The following GRM7 variants were observed in gnomAD, a reference collection of about 807,000 sequenced individuals.
GRM7 encodes glutamate metabotropic receptor 7.
GRM7 carries 35 observed loss-of-function variants against 84.5 expected under a neutral mutation model. The observed-to-expected ratio is 0.41, with a 90% CI of 0.32 to 0.55. GRM7 has a LOEUF of 0.55. Ranked by LOEUF, GRM7 falls within the 20% of genes least tolerant of loss-of-function variation. GRM7 has a pLI of 0.19. For missense variants in GRM7, 1,003 were observed against 1,194.6 expected (o/e 0.84, Z 2.36); for synonymous variants, 487 against 455.1 (o/e 1.07, Z -0.89).
chr3:7,019,924 C>G (rs139946442), intron 1 of GRM7, among the ~76,000 whole-genome samples: 74 of 152,256 alleles, frequency 4.9e-4, no homozygotes, highest in African/African-American at 1.7e-3. Flanking sequence ...AAAAAGACAC[C>G]GGAAAAGATT....
intron 8 of GRM7, among the ~76,000 whole-genome samples, chr3:7,597,165 T>C (rs1696088555): frequency 1.3e-5 from 2 of 152,138 alleles, no homozygotes; most frequent in Non-Finnish European, 1.5e-5. Flanking sequence ...CAGGAAGTTT[T>C]CAATCACAGT....
chr3:7,067,939 C>T (rs1261881369), intron 1 of GRM7, among the ~76,000 whole-genome samples: 1 of 151,878 alleles, frequency 6.6e-6, no homozygotes, highest in African/African-American at 2.4e-5. Context: ...TTCAATTAAA[C>T]GTAAAGAACT....
rs1238609892 is a variant in GRM7, at chr3:6,993,594, A to T, written c.519+131687A>T. Among the ~76,000 whole-genome samples the T allele has an allele frequency of 2.6e-5, 4 of 152,182 alleles. No homozygotes were observed. In the East Asian group the frequency reaches 7.7e-4, roughly 29 times the overall value. On this transcript the variant is annotated intron_variant, in intron 1 of 9. Transcript: ENST00000357716. ...TTAATGGTCTTAACTTGAAAAGAAAAGCATATTGAAACAACTAATCTGGCA... is the reference window on the plus strand; with the variant it reads ...TTAATGGTCTTAACTTGAAAAGAAATGCATATTGAAACAACTAATCTGGCA...
intron 2 of GRM7, among the ~76,000 whole-genome samples, chr3:7,254,464 C>G (rs1039206856): frequency 3.9e-5 from 6 of 152,210 alleles, no homozygotes; most frequent in African/African-American, 1.2e-4. Flanking sequence ...AGCGTACAAG[C>G]TGTAGGTCAG....
chr3:7,220,097 G>A (rs1440540156), intron 2 of GRM7, among the ~76,000 whole-genome samples: 3 of 152,150 alleles, frequency 2.0e-5, no homozygotes, highest in Non-Finnish European at 4.4e-5. Flanking sequence ...AGGAAAGCTA[G>A]GCAAATCTCT....
chr3:7,205,587 C>T (rs2124829853), intron 2 of GRM7, among the ~76,000 whole-genome samples: 1 of 152,264 alleles, frequency 6.6e-6, no homozygotes, highest in East Asian at 1.9e-4. Context: ...TCACTGATTT[C>T]AATGTTTCTC....
intron 2 of GRM7, among the ~76,000 whole-genome samples, chr3:7,192,740 T>C (rs1695750558): frequency 6.6e-6 from 1 of 152,098 alleles, no homozygotes; most frequent in Non-Finnish European, 1.5e-5. Context: ...CTTTTATTTC[T>C]CACCTTTTCT....
At chr3:7,215,746 C>A (rs917677104) in intron 2 of GRM7, among the ~76,000 whole-genome samples, 2 of 152,006 alleles carry the variant, frequency 1.3e-5, no homozygotes, top group African/African-American at 4.8e-5. Context: ...AGTGAATATG[C>A]ATAAAAATGT....
chr3:7,199,490 G>C (rs757983429), intron 2 of GRM7, among the ~76,000 whole-genome samples: 6 of 152,238 alleles, frequency 3.9e-5, no homozygotes, highest in African/African-American at 7.2e-5. Flanking sequence ...GGAGTATCAT[G>C]CTATGCAGCA....
Position 7,645,392 on chromosome 3 carries a change from C to CA in GRM7, c.2452-34652dup, listed in dbSNP as rs529895035. Among the ~76,000 whole-genome samples the CA allele has an allele frequency of 8.6e-5, 13 of 151,434 alleles. No homozygotes were observed. In the South Asian group the frequency reaches 1.0e-3, roughly 12 times the overall value. On this transcript the variant is annotated intron_variant, in intron 8 of 9. Coordinates refer to ENST00000357716, the MANE Select transcript of GRM7 (RefSeq NM_000844.4). ...TGAAACCCCGTCACTACTAAAAATA[C>CA]AAAAATTAGCTGGGTGTGGTGGTGC...
intron 1 of GRM7, among the ~76,000 whole-genome samples, chr3:6,998,832 A>C (rs962801311): frequency 6.6e-6 from 1 of 152,184 alleles, no homozygotes. Flanking sequence ...CCATGACCCT[A>C]GGCTGCACAA....
At chr3:7,333,571 C>T (rs1297173773) in intron 4 of GRM7, among the ~76,000 whole-genome samples, 1 of 152,112 alleles carries the variant, frequency 6.6e-6, no homozygotes, top group African/African-American at 2.4e-5. Context: ...GGTTCTATAA[C>T]ATCCCCAAAA....
intron 4 of GRM7, among the ~76,000 whole-genome samples, chr3:7,327,723 G>A (rs1325493652): frequency 1.3e-5 from 2 of 152,088 alleles, no homozygotes; most frequent in Admixed American, 6.6e-5. Flanking sequence ...AAACATTCCT[G>A]AGCCCTATAA....
At chr3:7,221,531 TA>T (rs1261099282) in intron 2 of GRM7, among the ~76,000 whole-genome samples, 1 of 152,052 alleles carries the variant, frequency 6.6e-6, no homozygotes, top group African/African-American at 2.4e-5. Flanking sequence ...TTAGTTGACT[TA>T]GTCAATCTCT....
At chr3:7,653,471 C>G (rs1202644623) in intron 8 of GRM7, among the ~76,000 whole-genome samples, 3 of 152,058 alleles carry the variant, frequency 2.0e-5, no homozygotes, top group Non-Finnish European at 2.9e-5. Context: ...TTCTGAGGGT[C>G]ATGTCTACTC....
chr3:7,686,431 T>C (rs1559487243), intron 9 of GRM7: 11 of 1,487,902 alleles, frequency 7.4e-6, no homozygotes, highest in Non-Finnish European at 1.0e-5. Context: ...AGTATAGCTT[T>C]TGACTGCTTT....
intron 9 of GRM7, among the ~76,000 whole-genome samples, chr3:7,722,982 AT>A (rs1383053022): frequency 6.6e-6 from 1 of 152,118 alleles, no homozygotes; most frequent in African/African-American, 2.4e-5. Context: ...GAGGCTTCAA[AT>A]TTTTTTATCA....
chr3:7,328,380 CT>C (rs1701066345), intron 4 of GRM7, among the ~76,000 whole-genome samples: 1 of 152,188 alleles, frequency 6.6e-6, no homozygotes, highest in Non-Finnish European at 1.5e-5. Flanking sequence ...CCAACCGATT[CT>C]TCACTGCTAG....
chr3:7,245,318 G>C (rs1016929009), intron 2 of GRM7, among the ~76,000 whole-genome samples: 1 of 151,898 alleles, frequency 6.6e-6, no homozygotes, highest in African/African-American at 2.4e-5. Flanking sequence ...CGAATCTCAG[G>C]CAGGGTAATA....
Sources: allele counts gnomAD v4.1 joint callset (sites outside exome capture counted in the v4.1 genomes callset), GRCh38; gene constraint gnomAD v4.1.1; transcripts MANE v1.5; gene names NCBI Gene and HGNC (gene_info 2026-07-23, HGNC 2026-07-21).